Variants in MBNL1 observed in about 807,000 individuals in gnomAD.
MBNL1 encodes muscleblind-like protein 1.
In MBNL1, 8 loss-of-function variants were observed where a neutral mutation model predicts 42.2. That is an observed-to-expected ratio of 0.19 (90% CI 0.11 to 0.34). The LOEUF (loss-of-function observed/expected upper bound fraction) is 0.34. Among genes scored for constraint, MBNL1 ranks in the 10% least tolerant of loss-of-function variants. The pLI is 1.00. For missense variants in MBNL1, 309 were observed against 495.3 expected (o/e 0.62, Z 3.57); for synonymous variants, 169 against 173.9 (o/e 0.97, Z 0.22).
At chr3:152,431,220 C>T (rs1012022061) in intron 3 of MBNL1, among the ~76,000 whole-genome samples, 1 of 152,074 alleles carries the variant, frequency 6.6e-6, no homozygotes, top group Non-Finnish European at 1.5e-5. Context: ...GCATCCCTGG[C>T]GTCCATCCAT....
Position 152,273,652 on chromosome 3 carries a change from C to T in MBNL1, c.-790+4560C>T, listed in dbSNP as rs184321819. 2.4e-4 allele frequency among the ~76,000 whole-genome samples: 36 copies of T among 152,190 alleles called. No individual in the cohort carries two copies. The East Asian group carries it at 4.8e-3, about 20-fold the overall frequency. On this transcript the variant is annotated intron_variant, in intron 1 of 9. Transcript: ENST00000324210. ...AGTTCAGGAAATATTAATCTCAAAA[C>T]GAAATGTAGCCATATTGGACAGAGT...
chr3:152,293,320 A>G (rs1221861814), intron 1 of MBNL1, among the ~76,000 whole-genome samples: 2 of 152,218 alleles, frequency 1.3e-5, no homozygotes, highest in African/African-American at 2.4e-5. Context: ...AGTTCTTCCC[A>G]TATAATGTAT....
In MBNL1 at chr3:152,448,034, TTC is replaced by T. The variant is rs1178338791; in HGVS notation, c.961+265_961+266del. Reference sequence around the variant, plus strand: ...TGTGTAATTTGGAAATGAAATATAGTTCTCTTTTTTTCTCTTTCCTCAACACT... The same window carrying T: ...TGTGTAATTTGGAAATGAAATATAGTTCTTTTTTTCTCTTTCCTCAACACT... On this transcript the variant is annotated intron_variant, in intron 6 of 9. Coordinates refer to ENST00000324210, the MANE Select transcript of MBNL1 (RefSeq NM_021038.5). 1.1e-4 allele frequency among the ~76,000 whole-genome samples: 16 copies of T among 152,320 alleles called. 1 individual carries two copies. The South Asian group carries it at 3.3e-3, about 32-fold the overall frequency.
chr3:152,346,212 G>A (rs1230636247), intron 2 of MBNL1, among the ~76,000 whole-genome samples: 2 of 152,066 alleles, frequency 1.3e-5, no homozygotes, highest in Non-Finnish European at 2.9e-5. Context: ...AAAACAATGT[G>A]AAGTTATGTC....
intron 4 of MBNL1, among the ~76,000 whole-genome samples, chr3:152,436,537 C>CT (rs1233749492): frequency 6.6e-6 from 1 of 152,172 alleles, no homozygotes; most frequent in Admixed American, 6.5e-5. Context: ...CCCAACCTTT[C>CT]TAAAGCAAAC....
intron 2 of MBNL1, among the ~76,000 whole-genome samples, chr3:152,356,933 G>T (rs977076410): frequency 6.6e-6 from 1 of 151,594 alleles, no homozygotes; most frequent in Non-Finnish European, 1.5e-5. Flanking sequence ...TTCCCTTGTG[G>T]TGTTACCATA....
At chr3:152,288,005 CA>C (rs1258463569) in intron 1 of MBNL1, among the ~76,000 whole-genome samples, 1 of 152,136 alleles carries the variant, frequency 6.6e-6, no homozygotes, top group East Asian at 1.9e-4. Context: ...TTTGAAAGTA[CA>C]AATTTGTAAT....
chr3:152,277,597 G>A (rs190461055), intron 1 of MBNL1, among the ~76,000 whole-genome samples: 18 of 152,196 alleles, frequency 1.2e-4, no homozygotes, highest in Admixed American at 3.9e-4. Context: ...GTTGCTTTTG[G>A]TTAATGGTTA....
intron 3 of MBNL1, among the ~76,000 whole-genome samples, chr3:152,419,646 C>T (rs116067038): frequency 0.033 from 4,994 of 152,176 alleles, 128 homozygotes; most frequent in Non-Finnish European, 0.051. Flanking sequence ...CAAAACTGGG[C>T]GGCTATTTGG....
At position 152,464,170 on chromosome 3, in the gene MBNL1, C is replaced by T. The variant is rs1403653761; in HGVS notation, c.*1804C>T. Reference sequence around the variant, plus strand: ...TTATTAGATTTTCATTTTCTATTAACAATTGAATACCATTTCAGTTTATAG... The same window carrying T: ...TTATTAGATTTTCATTTTCTATTAATAATTGAATACCATTTCAGTTTATAG... On this transcript the variant is annotated 3_prime_UTR_variant, in exon 10 of 10. Transcript: ENST00000324210. 1.3e-5 allele frequency: 2 copies of T among 152,272 alleles called. No homozygotes were observed. The highest frequency in any genetic ancestry group is 6.6e-5 in the Admixed American group (1 of 15,264). The allele number at this position is 152,272 out of a possible 1,614,324, so 9.4% of individuals were successfully genotyped here.
chr3:152,451,579 CA>C (rs1259714671), intron 6 of MBNL1, among the ~76,000 whole-genome samples: 6 of 152,134 alleles, frequency 3.9e-5, no homozygotes, highest in Non-Finnish European at 8.8e-5. Context: ...TGAAGGATTG[CA>C]AACTGATAGC....
At chr3:152,294,485 C>T (rs146754178) in intron 1 of MBNL1, among the ~76,000 whole-genome samples, 6 of 151,768 alleles carry the variant, frequency 4.0e-5, no homozygotes, top group African/African-American at 1.2e-4. Context: ...GGGGTTTCAC[C>T]GTGTTAGCCA....
At chr3:152,247,924 T>A (rs2033520565) in intron 2 of MBNL1, among the ~76,000 whole-genome samples, 1 of 151,988 alleles carries the variant, frequency 6.6e-6, no homozygotes, top group Non-Finnish European at 1.5e-5. Context: ...CTATTGGTGT[T>A]GCTCCATGAA....
intron 1 of MBNL1, among the ~76,000 whole-genome samples, chr3:152,282,539 A>C (rs1431067986): frequency 1.3e-5 from 2 of 152,206 alleles, no homozygotes; most frequent in Admixed American, 1.3e-4. Flanking sequence ...TATTGAATAC[A>C]TAATGGTAAA....
intron 2 of MBNL1, among the ~76,000 whole-genome samples, chr3:152,397,745 C>G (rs1466597928): frequency 6.6e-6 from 1 of 152,130 alleles, no homozygotes; most frequent in East Asian, 1.9e-4. Context: ...TATTTTCCTA[C>G]TGTGTGTCAT....
In MBNL1 at chr3:152,286,048, T is replaced by G. The variant is rs555200697; in HGVS notation, c.-789-13357T>G. ...AAGCCAACTTTTCAAAAATTAATCT[T>G]TTTAAGGGGCATTATGTAATGAAGG... On this transcript the variant is annotated intron_variant, in intron 1 of 9. Transcript: ENST00000324210. Among the ~76,000 whole-genome samples, 11 of 151,512 alleles carry G rather than the reference T, an allele frequency of 7.3e-5. No homozygotes were observed. In the South Asian group the frequency reaches 8.3e-4, roughly 11 times the overall value.
intron 2 of MBNL1, among the ~76,000 whole-genome samples, chr3:152,309,136 T>C (rs1326270051): frequency 6.6e-6 from 1 of 152,168 alleles, no homozygotes; most frequent in Non-Finnish European, 1.5e-5. Context: ...TGGTTTATCT[T>C]TCCTTTTTCC....
At position 152,462,769 on chromosome 3, in the gene MBNL1, T is replaced by G. The variant is rs1449531720; in HGVS notation, c.*403T>G. The G allele has an allele frequency of 1.3e-5, 2 of 152,206 alleles. No homozygotes were observed. Among genetic ancestry groups the G allele is most frequent in the Non-Finnish European group, 2.9e-5 (2 of 67,998 alleles). The allele number at this position is 152,206 out of a possible 1,614,324, so 9.4% of individuals were successfully genotyped here. A position where few individuals can be genotyped will look rare whatever the true frequency, so the allele number is the denominator to read the frequency against. ...GTATTGGTACGTCTGTAGACCAAGA[T>G]ATAATTTTTTAAAAATAAGTTTATT... is the stretch of plus-strand genomic sequence containing the variant. On this transcript the variant is annotated 3_prime_UTR_variant, in exon 10 of 10. Transcript: ENST00000324210.
At chr3:152,260,008 T>A (rs1044431477) in intron 2 of MBNL1, among the ~76,000 whole-genome samples, 2 of 152,238 alleles carry the variant, frequency 1.3e-5, no homozygotes, top group African/African-American at 4.8e-5. Flanking sequence ...TTGTCCTTGT[T>A]ATACTGCATA....
Sources: allele counts gnomAD v4.1 joint callset (sites outside exome capture counted in the v4.1 genomes callset), GRCh38; gene constraint gnomAD v4.1.1; transcripts MANE v1.5; gene names NCBI Gene and HGNC (gene_info 2026-07-23, HGNC 2026-07-21).